SMAD3: variants seen among roughly 807,000 people sequenced by gnomAD.
SMAD3 encodes MAD homolog 3.
SMAD3 carries 12 observed loss-of-function variants against 51.8 expected under a neutral mutation model. The ratio of observed to expected loss-of-function variants is 0.23; its 90% confidence interval spans 0.15 to 0.38. The LOEUF is 0.38. SMAD3 is among the 10% of genes least tolerant of loss of function. The pLI, the probability that SMAD3 is intolerant of heterozygous loss-of-function variation, is 1.00. For synonymous variants in SMAD3, 238 were observed against 227.7 expected, an observed-to-expected ratio of 1.05 and a Z score of -0.41; for missense variants, 294 against 565.6, an observed-to-expected ratio of 0.52 and a Z score of 4.87.
intron 1 of SMAD3, among the ~76,000 whole-genome samples, chr15:67,162,967 A>G (rs886825161): frequency 4.9e-4 from 75 of 151,692 alleles, no homozygotes; most frequent in Non-Finnish European, 6.3e-4. Context: ...GATGATGATG[A>G]TGATGATGAT....
chr15:67,130,923 C>T (rs377080886), intron 1 of SMAD3, among the ~76,000 whole-genome samples: 38 of 152,258 alleles, frequency 2.5e-4, no homozygotes, highest in East Asian at 1.7e-3. Flanking sequence ...TGGTGGTGGG[C>T]AGCAATTGCA....
intron 5 of SMAD3, among the ~76,000 whole-genome samples, chr15:67,172,531 G>C (rs1200952895): frequency 1.3e-5 from 2 of 152,234 alleles, no homozygotes; most frequent in Non-Finnish European, 2.9e-5. Flanking sequence ...GCTGGAAGGG[G>C]GTGAGATGGT....
intron 1 of SMAD3, among the ~76,000 whole-genome samples, chr15:67,102,849 G>A (rs908531725): frequency 2.6e-5 from 4 of 152,300 alleles, no homozygotes; most frequent in African/African-American, 9.6e-5. Flanking sequence ...CCTCCCAGGT[G>A]AGGCTCATCA....
At chr15:67,145,199 C>G (rs900632299) in intron 1 of SMAD3, among the ~76,000 whole-genome samples, 1 of 152,174 alleles carries the variant, frequency 6.6e-6, no homozygotes, top group Non-Finnish European at 1.5e-5. Flanking sequence ...TTGGAAATAT[C>G]TGGTCCAGCC....
At chr15:67,085,868 G>GCACA (rs78357581) in intron 1 of SMAD3, among the ~76,000 whole-genome samples, 7,368 of 99,922 alleles carry the variant, frequency 0.074, 283 homozygotes, top group East Asian at 0.2. Context: ...AAAAAAGCGT[G>GCACA]CACACACACA....
At position 67,193,993 on chromosome 15, in the gene SMAD3, A is replaced by G. The variant is rs190177128; in HGVS notation, c.*3457A>G. 13 of 233,136 alleles carry G rather than the reference A, an allele frequency of 5.6e-5. No homozygotes were observed. In the East Asian group the frequency reaches 7.8e-4, roughly 14 times the overall value. 14.4% of individuals were successfully genotyped at this position (233,136 alleles called of 1,614,324 possible). On this transcript the variant is annotated 3_prime_UTR_variant, in exon 9 of 9. Coordinates refer to ENST00000327367, the MANE Select transcript of SMAD3 (RefSeq NM_005902.4). ...ACAGGGCCGGAGCTCAGGTTACACC[A>G]CTCCTTCGTCCTTACAGGAGATGTA...
intron 1 of SMAD3, among the ~76,000 whole-genome samples, chr15:67,084,629 G>A (rs965986748): frequency 2.6e-5 from 4 of 152,128 alleles, no homozygotes; most frequent in South Asian, 2.1e-4. Flanking sequence ...GCTGCAATGC[G>A]TTGCTGATGA....
rs1184067048 is a variant in SMAD3 at position 67,191,256 on chromosome 15, A to G, written c.*720A>G. The G allele has an allele frequency of 4.3e-6, 1 of 233,610 alleles. No individual in the cohort carries two copies. The allele number at this position is 233,610 out of a possible 1,614,324, so 14.5% of individuals were successfully genotyped here. ...TTACGTTTGTCCTTTTTCACTTTGA[A>G]AAGTTGGAAGGATCTGCTGAGGCCC... is the stretch of plus-strand genomic sequence containing the variant. On this transcript the variant is annotated 3_prime_UTR_variant, in exon 9 of 9. Coordinates refer to ENST00000327367, the MANE Select transcript of SMAD3 (RefSeq NM_005902.4).
intron 5 of SMAD3, among the ~76,000 whole-genome samples, chr15:67,180,849 G>A (rs1423592240): frequency 1.3e-5 from 2 of 152,152 alleles, no homozygotes; most frequent in African/African-American, 2.4e-5. Flanking sequence ...TACACGCAGT[G>A]GCTGTCCCAG....
chr15:67,173,785 G>T (rs554781609), intron 5 of SMAD3, among the ~76,000 whole-genome samples: 2 of 152,204 alleles, frequency 1.3e-5, no homozygotes, highest in Non-Finnish European at 2.9e-5. Context: ...TCTGGAGGAG[G>T]CTGAGATAAA....
rs190205724 is a variant in SMAD3 at position 67,073,097 on chromosome 15, T to C, written c.206+6737T>C. On this transcript the variant is annotated intron_variant, in intron 1 of 8. Transcript: ENST00000327367. ...AAGAATGCTGTATGTGTTCACTCTT[T>C]AGCTAATTTGTAAATACTGTTTTTT... is the stretch of plus-strand genomic sequence containing the variant. Among the ~76,000 whole-genome samples the C allele has an allele frequency of 2.0e-5, 3 of 150,912 alleles. No homozygotes were observed. The East Asian group carries it at 5.8e-4, about 29-fold the overall frequency.
intron 1 of SMAD3, among the ~76,000 whole-genome samples, chr15:67,151,891 A>G (rs1413746283): frequency 1.3e-5 from 2 of 152,154 alleles, no homozygotes; most frequent in African/African-American, 2.4e-5. Flanking sequence ...ATGTTACTAT[A>G]TAAGCATTCA....
At chr15:67,093,861 C>A (rs1182540148) in intron 1 of SMAD3, among the ~76,000 whole-genome samples, 1 of 152,212 alleles carries the variant, frequency 6.6e-6, no homozygotes, top group Non-Finnish European at 1.5e-5. Context: ...ATGGACTGTC[C>A]CCCACCTGCA....
chr15:67,172,994 G>A (rs188012920), intron 5 of SMAD3, among the ~76,000 whole-genome samples: 2 of 152,180 alleles, frequency 1.3e-5, no homozygotes, highest in Non-Finnish European at 2.9e-5. Context: ...TCAGGTGGGG[G>A]ATTGGAAGAG....
chr15:67,113,095 T>TATATATATATATATATATATA (rs57818600), intron 1 of SMAD3, among the ~76,000 whole-genome samples: 19 of 91,088 alleles, frequency 2.1e-4, no homozygotes, highest in Non-Finnish European at 2.8e-4. Context: ...TATATATATA[T>TATATATATATATATATATATA]TTTTTTGAGA....
chr15:67,158,425 G>A (rs527836736), intron 1 of SMAD3, among the ~76,000 whole-genome samples: 4 of 152,354 alleles, frequency 2.6e-5, no homozygotes, highest in African/African-American at 7.2e-5. Flanking sequence ...CTTCCCTGTC[G>A]TGAGTTTGGG....
intron 1 of SMAD3, among the ~76,000 whole-genome samples, chr15:67,142,333 G>A (rs1163396182): frequency 6.6e-6 from 1 of 151,664 alleles, no homozygotes; most frequent in Admixed American, 6.6e-5. Context: ...TCCATGGTTT[G>A]CGTGGAATTG....
At chr15:67,106,203 C>CT (rs1310828508) in intron 1 of SMAD3, among the ~76,000 whole-genome samples, 1 of 152,172 alleles carries the variant, frequency 6.6e-6, no homozygotes, top group Non-Finnish European at 1.5e-5. Flanking sequence ...AGCATGATCT[C>CT]TAAGAAATGT....
intron 1 of SMAD3, among the ~76,000 whole-genome samples, chr15:67,077,530 T>C (rs944304443): frequency 2.0e-5 from 3 of 152,226 alleles, no homozygotes; most frequent in Non-Finnish European, 4.4e-5. Context: ...GATGAAGTTG[T>C]GTCTCTGAAC....
Sources: gnomAD v4.1 joint callset for allele counts (sites outside exome capture counted in the v4.1 genomes callset) on GRCh38, gnomAD v4.1.1 for gene constraint, MANE v1.5 for transcripts, NCBI Gene and HGNC (gene_info 2026-07-23, HGNC 2026-07-21) for gene names.